Variants in SAMD13 observed in about 807,000 individuals in gnomAD.
The protein encoded by SAMD13 is sterile alpha motif domain-containing protein 13.
SAMD13 carries 9 observed loss-of-function variants against 12.4 expected under a neutral mutation model. The observed-to-expected ratio is 0.72, with a 90% CI of 0.44 to 1.26. The LOEUF is 1.26. Ranked by LOEUF, SAMD13 falls within the 50% of genes most tolerant of loss-of-function variation. The pLI is 0.00. For synonymous variants in SAMD13, 46 were observed against 45.4 expected, an observed-to-expected ratio of 1.01 and a Z score of -0.05; for missense variants, 84 against 119.6, an observed-to-expected ratio of 0.70 and a Z score of 1.39.
At chr1:84,339,275 G>A (rs1679370536) in intron 3 of SAMD13, among the ~76,000 whole-genome samples, 1 of 151,552 alleles carries the variant, frequency 6.6e-6, no homozygotes, top group Non-Finnish European at 1.5e-5. Context: ...TTTGTTTTTT[G>A]TTTTTTGTGT....
intron 2 of SAMD13, among the ~76,000 whole-genome samples, chr1:84,316,045 G>A (rs890740672): frequency 3.3e-5 from 5 of 151,718 alleles, no homozygotes; most frequent in African/African-American, 4.8e-5. Context: ...TATGTCCTTC[G>A]ACCATTTTTT....
Position 84,303,282 on chromosome 1 carries a change from A to C in SAMD13, c.48A>C (p.Val16=), listed in dbSNP as rs1558434954. The C allele has an allele frequency of 3.1e-6, 5 of 1,611,934 alleles. No individual in the cohort carries two copies. Among genetic ancestry groups the C allele is most frequent in the Non-Finnish European group, 4.2e-6 (5 of 1,178,320 alleles). Residue 16 remains valine (V), a synonymous_variant, in exon 2 of 4, where the codon GTA becomes GTC. Transcript: ENST00000394834. ...MENKENGSVG[V]KNSMENGRPP... ...ACAAGGAAAATGGCTCTGTCGGTGT[A>C]AAAAAGTAAGTGAAGCTGGCTTCTG...
upstream of SAMD13, among the ~76,000 whole-genome samples, chr1:84,301,444 TAAG>T (rs761751197): frequency 1.3e-5 from 2 of 152,166 alleles, no homozygotes; most frequent in Non-Finnish European, 2.9e-5. Context: ...AGGGAGAAAA[TAAG>T]AAGCTATTGA....
At chr1:84,338,089 C>G (rs1196902128) in intron 3 of SAMD13, among the ~76,000 whole-genome samples, 2 of 152,194 alleles carry the variant, frequency 1.3e-5, no homozygotes, top group African/African-American at 2.4e-5. Flanking sequence ...CAACAAGTCT[C>G]TAGGAAGTTT....
chr1:84,310,737 AT>A lies in SAMD13; in HGVS notation c.53+7453del, dbSNP rs375973349. Among the ~76,000 whole-genome samples, 111 of 152,336 alleles carry A rather than the reference AT, an allele frequency of 7.3e-4. 1 individual carries two copies. In the East Asian group the frequency reaches 0.016, roughly 22 times the overall value. The stretch of plus-strand genomic sequence containing the variant: ...AACTATGTCTGTTCAAGTTAAATCA[AT>A]TTGCTAACACATGTCAATATTACCA... On this transcript the variant is annotated intron_variant, in intron 2 of 3. Transcript: ENST00000394834.
intron 2 of SAMD13, among the ~76,000 whole-genome samples, chr1:84,305,989 T>C (rs1678561718): frequency 6.6e-6 from 1 of 152,230 alleles, no homozygotes; most frequent in Non-Finnish European, 1.5e-5. Flanking sequence ...AATTAGCTTG[T>C]CAGTTTCCAC....
chr1:84,314,353 A>G (rs1320061567), intron 2 of SAMD13, among the ~76,000 whole-genome samples: 1 of 152,178 alleles, frequency 6.6e-6, no homozygotes, highest in African/African-American at 2.4e-5. Flanking sequence ...TTCTCATGAA[A>G]AAAAGGAATG....
intron 3 of SAMD13, among the ~76,000 whole-genome samples, chr1:84,346,264 T>C (rs1679532118): frequency 6.6e-6 from 1 of 152,238 alleles, no homozygotes; most frequent in South Asian, 2.1e-4. Context: ...TACTCATTTA[T>C]TTTTAAATCT....
At chr1:84,298,620 C>G, upstream of SAMD13, 4 of 1,270,312 alleles carry the variant, frequency 3.1e-6, no homozygotes, top group East Asian at 5.9e-5. Flanking sequence ...GCCCTCTCCT[C>G]TCTCCAGGAT....
chr1:84,328,024 GT>G (rs1461563136), intron 3 of SAMD13, among the ~76,000 whole-genome samples: 1 of 152,154 alleles, frequency 6.6e-6, no homozygotes, highest in East Asian at 1.9e-4. Context: ...ATTGTAAATG[GT>G]TAACAAAAAA....
intron 2 of SAMD13, among the ~76,000 whole-genome samples, chr1:84,323,792 C>T (rs1231704364): frequency 6.6e-6 from 1 of 152,154 alleles, no homozygotes; most frequent in Non-Finnish European, 1.5e-5. Flanking sequence ...TATTGAACCT[C>T]TCAAGCTTAG....
chr1:84,303,629 T>TA (rs1678497663), intron 2 of SAMD13: 1 of 172,888 alleles, frequency 5.8e-6, no homozygotes, highest in African/African-American at 2.4e-5. Context: ...GGGCAGAAAA[T>TA]AGAGTTCAAA....
At chr1:84,312,617 G>A (rs188796314) in intron 2 of SAMD13, among the ~76,000 whole-genome samples, 260 of 152,074 alleles carry the variant, frequency 1.7e-3, no homozygotes, top group Non-Finnish European at 2.5e-3. Context: ...AATCAAACGG[G>A]GGATGTACTA....
At chr1:84,317,512 A>T (rs1678860695) in intron 2 of SAMD13, among the ~76,000 whole-genome samples, 1 of 151,674 alleles carries the variant, frequency 6.6e-6, no homozygotes, top group African/African-American at 2.4e-5. Flanking sequence ...ACATTAATTG[A>T]TTTTCATATG....
intron 2 of SAMD13, among the ~76,000 whole-genome samples, chr1:84,316,713 A>G (rs1278559559): frequency 1.3e-5 from 2 of 152,108 alleles, no homozygotes; most frequent in Non-Finnish European, 2.9e-5. Context: ...TTTCTGGTTC[A>G]ATATGAATAT....
chr1:84,330,964 A>G (rs1343296513), intron 3 of SAMD13, among the ~76,000 whole-genome samples: 1 of 152,170 alleles, frequency 6.6e-6, no homozygotes, highest in Non-Finnish European at 1.5e-5. Flanking sequence ...AACCACATGA[A>G]TAAGAATAGT....
chr1:84,321,451 A>C (rs907455106), intron 2 of SAMD13, among the ~76,000 whole-genome samples: 5 of 152,162 alleles, frequency 3.3e-5, no homozygotes, highest in African/African-American at 1.2e-4. Context: ...ACATTTTGCT[A>C]TGACGTTAGT....
chr1:84,334,754 T>C (rs1679259396), intron 3 of SAMD13, among the ~76,000 whole-genome samples: 1 of 152,150 alleles, frequency 6.6e-6, no homozygotes. Context: ...TCTGGTATGT[T>C]GTATTTTTGT....
Position 84,334,002 on chromosome 1 carries a change from G to A in SAMD13, c.165+8254G>A, listed in dbSNP as rs139345888. On this transcript the variant is annotated intron_variant, in intron 3 of 3. Transcript: ENST00000394834. The stretch of plus-strand genomic sequence containing the variant: ...GCATCAATGTTCATCAAGGATATTG[G>A]CCTGAAGTTTTCTTTTTTTGTTGTA... Among the ~76,000 whole-genome samples, 559 of 152,138 alleles carry A rather than the reference G, an allele frequency of 3.7e-3. 5 individuals are homozygous for A. Among genetic ancestry groups the A allele is most frequent in the African/African-American group, 0.013 (532 of 41,532 alleles).
Sources: allele counts gnomAD v4.1 joint callset (sites outside exome capture counted in the v4.1 genomes callset), GRCh38; gene constraint gnomAD v4.1.1; transcripts MANE v1.5; gene names NCBI Gene and HGNC (gene_info 2026-07-23, HGNC 2026-07-21).